The following EHMT1 variants were observed in gnomAD, a reference collection of about 807,000 sequenced individuals.
The protein encoded by EHMT1 is histone-lysine N-methyltransferase EHMT1.
A neutral mutation model predicts 147.2 loss-of-function variants in EHMT1; 15 were observed. The ratio of observed to expected loss-of-function variants is 0.10; its 90% CI spans 0.07 to 0.16. The LOEUF is 0.16. Among genes scored for constraint, EHMT1 ranks in the 10% least tolerant of loss-of-function variants. The pLI, the probability that EHMT1 is intolerant of heterozygous loss-of-function variation, is 1.00. For synonymous variants in EHMT1, 795 were observed against 709.6 expected, an observed-to-expected ratio of 1.12 and a Z score of -1.91; for missense variants, 1,587 against 1,772.4, an observed-to-expected ratio of 0.90 and a Z score of 1.88.
intron 18 of EHMT1, among the ~76,000 whole-genome samples, chr9:137,805,693 T>TG (rs1228081320): frequency 6.6e-6 from 1 of 152,082 alleles, no homozygotes; most frequent in Non-Finnish European, 1.5e-5. Flanking sequence ...GATGGAGTCT[T>TG]GCTCCGTCGC....
At chr9:137,733,065 G>A (rs1484845853) in intron 4 of EHMT1, among the ~76,000 whole-genome samples, 1 of 152,200 alleles carries the variant, frequency 6.6e-6, no homozygotes, top group Non-Finnish European at 1.5e-5. Context: ...ATGGGCAGCT[G>A]TAATTCTTAG....
chr9:137,671,588 G>A (rs1940656572), intron 1 of EHMT1, among the ~76,000 whole-genome samples: 1 of 139,468 alleles, frequency 7.2e-6, no homozygotes, highest in Admixed American at 7.9e-5. Context: ...GCAGTTGTGT[G>A]ACCTTGGCTC....
chr9:137,806,094 G>C (rs1477759944), intron 18 of EHMT1, among the ~76,000 whole-genome samples: 1 of 151,816 alleles, frequency 6.6e-6, no homozygotes, highest in Non-Finnish European at 1.5e-5. Flanking sequence ...CAAGTAGCTG[G>C]GATTACAGGC....
chr9:137,727,058 T>C (rs1946699732), intron 3 of EHMT1, among the ~76,000 whole-genome samples: 1 of 152,238 alleles, frequency 6.6e-6, no homozygotes, highest in Non-Finnish European at 1.5e-5. Context: ...TGGATAATAA[T>C]TCCTGATGGA....
Position 137,798,821 on chromosome 9 carries a change from G to A in EHMT1, c.2514G>A (p.Glu838=). 2 of 1,614,064 alleles carry A rather than the reference G, an allele frequency of 1.2e-6. No homozygotes were observed. The highest frequency in any genetic ancestry group is 1.7e-6 in the Non-Finnish European group (2 of 1,179,910). Residue 838 remains glutamate (E), a synonymous_variant, in exon 17 of 27, where the codon GAG becomes GAA. Transcript: ENST00000460843. ...TGGCATTTCTGTTGCAGGACGCAGA[G>A]GGCTCTACGTGTTTGCACCTGGCTG... ...AGALVDPKDA[E]GSTCLHLAAK... is the part of the protein sequence containing the mutation.
rs752724516 is a variant in EHMT1 at position 137,779,624 on chromosome 9, G to T, written c.2193-11G>T. 1 of 1,613,756 alleles carries T rather than the reference G, an allele frequency of 6.2e-7. No individual in the cohort carries two copies. Among genetic ancestry groups the T allele is most frequent in the East Asian group, 2.2e-5 (1 of 44,884 alleles). On this transcript the variant is annotated splice_polypyrimidine_tract_variant and intron_variant, in intron 13 of 26. Coordinates refer to ENST00000460843, the MANE Select transcript of EHMT1 (RefSeq NM_024757.5). Reference sequence around the variant, plus strand: ...AGCCCCATGCTGACTGTTGTCTTGTGCTTCCCACAGACCCAAGAAGCTTCG... The same window carrying T: ...AGCCCCATGCTGACTGTTGTCTTGTTCTTCCCACAGACCCAAGAAGCTTCG...
chr9:137,691,801 G>A (rs1384513169), intron 1 of EHMT1, among the ~76,000 whole-genome samples: 1 of 152,100 alleles, frequency 6.6e-6, no homozygotes, highest in African/African-American at 2.4e-5. Context: ...GTCTCTCCTG[G>A]GTGTGAAGTG....
rs113696903 is a variant in EHMT1 at position 137,620,405 on chromosome 9, T to A, written c.21+1356T>A. Among the ~76,000 whole-genome samples, 161 of 152,254 alleles carry A rather than the reference T, an allele frequency of 1.1e-3. 1 individual carries two copies. Among genetic ancestry groups the A allele is most frequent in the African/African-American group, 3.6e-3 (151 of 41,544 alleles). ...CAGCAGGTGCTGTTATTTCCTTTTT[T>A]AAATTATTATTTATTATTATTATTT... On this transcript the variant is annotated intron_variant, in intron 1 of 26. Coordinates refer to ENST00000460843, the MANE Select transcript of EHMT1 (RefSeq NM_024757.5).
intron 1 of EHMT1, among the ~76,000 whole-genome samples, chr9:137,657,777 C>T (rs1343649901): frequency 6.6e-6 from 1 of 151,852 alleles, no homozygotes; most frequent in African/African-American, 2.4e-5. Context: ...TGTTTTGTGC[C>T]CATGAACCAT....
intron 18 of EHMT1, among the ~76,000 whole-genome samples, chr9:137,806,918 G>T (rs1234551515): frequency 6.6e-6 from 1 of 152,186 alleles, no homozygotes; most frequent in South Asian, 2.1e-4. Flanking sequence ...TGTGTATAAT[G>T]TGTCTTTTTT....
At chr9:137,766,570 G>A (rs559188993) in intron 10 of EHMT1, among the ~76,000 whole-genome samples, 131 of 152,288 alleles carry the variant, frequency 8.6e-4, no homozygotes, top group Admixed American at 2.0e-3. Flanking sequence ...AGCATCAGTC[G>A]TGCTGCTGTT....
At chr9:137,697,303 A>G in intron 1 of EHMT1, 1 of 205,630 alleles carries the variant, frequency 4.9e-6, no homozygotes, top group South Asian at 4.9e-5. Flanking sequence ...ACCAGTGCAG[A>G]GTTTGAGATC....
chr9:137,709,284 G>C (rs1226080971), intron 1 of EHMT1, among the ~76,000 whole-genome samples: 2 of 152,188 alleles, frequency 1.3e-5, no homozygotes, highest in Non-Finnish European at 2.9e-5. Flanking sequence ...GTACAGCTGT[G>C]ATGGACCAGG....
At position 137,834,357 on chromosome 9, in the gene EHMT1, G is replaced by A; in HGVS notation, c.3549G>A (p.Glu1183=). ...GGCTTCTCGCCCTGCAGGACGGGGA[G>A]GTTTACTGCATCGACGCGCGGTTCT... ...YLFDLDNKDG[E]VYCIDARFYG... The change falls in exon 26 of 27, where the codon GAG becomes GAA. Residue 1183 remains glutamate (E), a synonymous_variant. Transcript: ENST00000460843. 1 of 1,613,080 alleles carries A rather than the reference G, an allele frequency of 6.2e-7. No homozygotes were observed. The highest frequency in any genetic ancestry group is 8.5e-7 in the Non-Finnish European group (1 of 1,179,764).
At chr9:137,669,895 G>C (rs1249774469) in intron 1 of EHMT1, among the ~76,000 whole-genome samples, 2 of 152,184 alleles carry the variant, frequency 1.3e-5, no homozygotes, top group East Asian at 1.9e-4. Flanking sequence ...CTGTCGCCCA[G>C]GGTGGAGTGC....
chr9:137,759,586 C>T (rs1215819708), intron 9 of EHMT1, among the ~76,000 whole-genome samples: 1 of 152,238 alleles, frequency 6.6e-6, no homozygotes, highest in Non-Finnish European at 1.5e-5. Flanking sequence ...GGAGAAATGG[C>T]AGGGAGTAGA....
At chr9:137,785,923 G>C (rs1422734893) in intron 15 of EHMT1, 1 of 152,228 alleles carries the variant, frequency 6.6e-6, no homozygotes, top group Non-Finnish European at 1.5e-5. Flanking sequence ...TAACCTTTAT[G>C]CTAACTGAGT....
chr9:137,802,270 G>A (rs895478826), intron 18 of EHMT1: 3 of 398,470 alleles, frequency 7.5e-6, no homozygotes, highest in Non-Finnish European at 1.3e-5. Context: ...CCACAGAGCT[G>A]TGTCCACCGT....
intron 1 of EHMT1, among the ~76,000 whole-genome samples, chr9:137,688,184 T>C (rs1412304737): frequency 6.6e-6 from 1 of 152,082 alleles, no homozygotes; most frequent in African/African-American, 2.4e-5. Flanking sequence ...CCACCACGCC[T>C]GGCTAATTTT....
Sources: gnomAD v4.1 joint callset for allele counts (sites outside exome capture counted in the v4.1 genomes callset) on GRCh38, gnomAD v4.1.1 for gene constraint, MANE v1.5 for transcripts, NCBI Gene and HGNC (gene_info 2026-07-23, HGNC 2026-07-21) for gene names.